Variants in RPS6KB1 observed in about 807,000 individuals in gnomAD.
The protein encoded by RPS6KB1 is ribosomal protein S6 kinase B1.
A neutral mutation model predicts 70.2 loss-of-function variants in RPS6KB1; 12 were observed. The observed-to-expected ratio is 0.17, with a 90% CI of 0.11 to 0.28. The LOEUF is 0.28. Ranked by LOEUF, RPS6KB1 falls within the 10% of genes least tolerant of loss-of-function variation. RPS6KB1 has a pLI of 1.00. For missense variants in RPS6KB1, 270 were observed against 646.6 expected (o/e 0.42, Z 6.32); for synonymous variants, 175 against 211.2 (o/e 0.83, Z 1.49).
chr17:59,895,831 C>T (rs1402543041), intron 1 of RPS6KB1, among the ~76,000 whole-genome samples: 3 of 151,966 alleles, frequency 2.0e-5, no homozygotes, highest in Non-Finnish European at 1.5e-5. Context: ...TGGGGTTTCA[C>T]CATGTTGCCC....
chr17:59,896,020 C>G (rs2041536476), intron 1 of RPS6KB1, among the ~76,000 whole-genome samples: 1 of 152,140 alleles, frequency 6.6e-6, no homozygotes, highest in Admixed American at 6.6e-5. Context: ...CAATTGGAAA[C>G]AAATATGAGA....
At position 59,910,385 on chromosome 17, in the gene RPS6KB1, A is replaced by G. The variant is rs143589720; in HGVS notation, c.142-177A>G. ...TAAAATAATTTAGAGTGAAATTCCC[A>G]TAGTGTTGTTTGTGTACTGTGTTTT... On this transcript the variant is annotated intron_variant, in intron 1 of 14. Transcript: ENST00000225577. 1.1e-3 allele frequency among the ~76,000 whole-genome samples: 170 copies of G among 152,196 alleles called. 1 individual carries two copies. The highest frequency in any genetic ancestry group is 1.9e-3 in the Non-Finnish European group (128 of 68,002).
At chr17:59,912,238 C>A in intron 2 of RPS6KB1, 1 of 220,312 alleles carries the variant, frequency 4.5e-6, no homozygotes, top group South Asian at 6.8e-5. Flanking sequence ...CATGAAAATT[C>A]AATCAGGGTT....
At chr17:59,941,053 C>CTT (rs11377635) in intron 13 of RPS6KB1, 110 bp downstream of exon 13, 2,432 of 471,884 alleles carry the variant, frequency 5.2e-3, no homozygotes, top group East Asian at 6.5e-3. Flanking sequence ...ACCTGGCCCA[C>CTT]TTTTTTTTTT....
Position 59,893,615 on chromosome 17 carries a change from TGA to T in RPS6KB1, c.141+292_141+293del, listed in dbSNP as rs2041284022. Among the ~76,000 whole-genome samples, 1 of 151,978 alleles carries T rather than the reference TGA, an allele frequency of 6.6e-6. No homozygotes were observed. Among genetic ancestry groups the T allele is most frequent in the South Asian group, 2.1e-4 (1 of 4,820 alleles). ...GGTCGATTCCTCGAGCTGTTGGACTTGAGTGTGGCGGGGAGCGGGTGGCGTGA... is the reference window on the plus strand; with the variant it reads ...GGTCGATTCCTCGAGCTGTTGGACTTGTGTGGCGGGGAGCGGGTGGCGTGA... On this transcript the variant is annotated intron_variant, in intron 1 of 14. Transcript: ENST00000225577. The surrounding 1 kb of genome is among the most constrained non-coding windows in gnomAD (Gnocchi z 4.1).
At chr17:59,924,147 G>A (rs1240219128) in intron 4 of RPS6KB1, among the ~76,000 whole-genome samples, 1 of 152,060 alleles carries the variant, frequency 6.6e-6, no homozygotes, top group African/African-American at 2.4e-5. Context: ...TGGCCAGCAT[G>A]GTGAAACCCC....
At chr17:59,924,329 GAA>G (rs10718339) in intron 4 of RPS6KB1, among the ~76,000 whole-genome samples, 1 of 150,650 alleles carries the variant, frequency 6.6e-6, no homozygotes, top group Non-Finnish European at 1.5e-5. Flanking sequence ...ACTCTGTCTA[GAA>G]AAAAAAAATC....
At position 59,910,675 on chromosome 17, in the gene RPS6KB1, A is replaced by G. The variant is rs546125295; in HGVS notation, c.191+64A>G. The stretch of plus-strand genomic sequence containing the variant: ...CTTACAAGTAGGTTTTATCAGTTCT[A>G]TTTCGTAGCAATCATGTGATTCCTG... On this transcript the variant is annotated intron_variant, in intron 2 of 14. Coordinates refer to ENST00000225577, the MANE Select transcript of RPS6KB1 (RefSeq NM_003161.4). The G allele has an allele frequency of 3.3e-5, 33 of 994,292 alleles. No homozygotes were observed. In the Middle Eastern group the frequency reaches 8.3e-4, roughly 25 times the overall value. The allele number at this position is 994,292 out of a possible 1,614,324, so 61.6% of individuals were successfully genotyped here.
intron 4 of RPS6KB1, among the ~76,000 whole-genome samples, chr17:59,919,167 T>G (rs1433476551): frequency 6.6e-6 from 1 of 152,200 alleles, no homozygotes; most frequent in Non-Finnish European, 1.5e-5. Context: ...AAGTTCTGTG[T>G]GTGTAAGCTT....
intron 1 of RPS6KB1, chr17:59,907,001 T>G (rs1050398852): frequency 1.4e-5 from 2 of 144,618 alleles, no homozygotes; most frequent in Non-Finnish European, 3.0e-5. Context: ...TCCCTTGCAT[T>G]TCTTCTTTTT....
At position 59,936,196 on chromosome 17, in the gene RPS6KB1, C is replaced by CT; in HGVS notation, c.979-12dup. The CT allele has an allele frequency of 1.9e-6, 3 of 1,588,230 alleles. No homozygotes were observed. Among genetic ancestry groups the CT allele is most frequent in the Admixed American group, 3.9e-5 (2 of 51,366 alleles). On this transcript the variant is annotated intron_variant, in intron 10 of 14. Coordinates refer to ENST00000225577, the MANE Select transcript of RPS6KB1 (RefSeq NM_003161.4). ...GTTTGACTAAGGTTCTTTATCCAAG[C>CT]TTTTTTTCCTCTTTAAAGCTGCTGA...
At chr17:59,906,043 T>G (rs1474150576) in intron 1 of RPS6KB1, among the ~76,000 whole-genome samples, 1 of 152,198 alleles carries the variant, frequency 6.6e-6, no homozygotes, top group Admixed American at 6.6e-5. Context: ...CATATAGATA[T>G]CCAGTTGTCC....
At chr17:59,899,452 G>GA (rs1486272828) in intron 1 of RPS6KB1, among the ~76,000 whole-genome samples, 1 of 152,160 alleles carries the variant, frequency 6.6e-6, no homozygotes, top group Non-Finnish European at 1.5e-5. Flanking sequence ...CGTATCTTGT[G>GA]AGGTGGCTTC....
At chr17:59,936,171 G>T (rs773273493) in intron 10 of RPS6KB1, 44 bp from the exon 11 acceptor site, 1 of 1,552,424 alleles carries the variant, frequency 6.4e-7, no homozygotes, top group South Asian at 1.2e-5. Context: ...AAAAAAATCA[G>T]TTTGACTAAG....
At chr17:59,936,170 A>G in intron 10 of RPS6KB1, 45 bp from the exon 11 acceptor site, 1 of 1,534,552 alleles carries the variant, frequency 6.5e-7, no homozygotes. Flanking sequence ...AAAAAAAATC[A>G]GTTTGACTAA....
At chr17:59,942,191 C>CAAA (rs1432100263) in intron 13 of RPS6KB1, among the ~76,000 whole-genome samples, 1 of 152,108 alleles carries the variant, frequency 6.6e-6, no homozygotes, top group East Asian at 1.9e-4. Context: ...GTGATCCACC[C>CAAA]GCCTTGGCCT....
At chr17:59,900,583 C>G (rs1173201727) in intron 1 of RPS6KB1, among the ~76,000 whole-genome samples, 1 of 151,936 alleles carries the variant, frequency 6.6e-6, no homozygotes, top group Admixed American at 6.6e-5. Flanking sequence ...CCAGGCTGGT[C>G]TCGAACTCCC....
chr17:59,901,475 G>A (rs12952730), intron 1 of RPS6KB1, among the ~76,000 whole-genome samples: 49,388 of 148,388 alleles, frequency 0.33, 8,310 homozygotes, highest in East Asian at 0.44. Flanking sequence ...AAAAAAAAAA[G>A]GAAATTTTTA....
intron 4 of RPS6KB1, among the ~76,000 whole-genome samples, chr17:59,916,036 C>G (rs2042943394): frequency 6.6e-6 from 1 of 152,026 alleles, no homozygotes; most frequent in Admixed American, 6.6e-5. Context: ...CTTGGCCTCC[C>G]AAAGTGCTGG....
Sources: gnomAD v4.1 joint callset for allele counts (sites outside exome capture counted in the v4.1 genomes callset) on GRCh38, gnomAD v4.1.1 for gene constraint, Gnocchi (gnomAD v3.1) non-coding constraint, MANE v1.5 for transcripts, NCBI Gene and HGNC (gene_info 2026-07-23, HGNC 2026-07-21) for gene names.